Variants in MTMR9 observed in about 807,000 individuals in gnomAD.
The protein encoded by MTMR9 is myotubularin related protein 9.
A neutral mutation model predicts 69.5 loss-of-function variants in MTMR9; 39 were observed. The ratio of observed to expected loss-of-function variants is 0.56; its 90% confidence interval spans 0.43 to 0.73. The LOEUF (loss-of-function observed/expected upper bound fraction) is 0.73. MTMR9 is among the 30% of genes least tolerant of loss of function. MTMR9 has a pLI of 0.00. For missense variants in MTMR9, 900 were observed against 671.2 expected, an observed-to-expected ratio of 1.34 and a Z score of -3.77; for synonymous variants, 354 against 240.8, an observed-to-expected ratio of 1.47 and a Z score of -4.35.
chr8:11,293,599 T>A (rs1799443630), intron 1 of MTMR9, among the ~76,000 whole-genome samples: 1 of 152,166 alleles, frequency 6.6e-6, no homozygotes, highest in Non-Finnish European at 1.5e-5. Flanking sequence ...TAGATTGGGA[T>A]TTTAGTGTCT....
At chr8:11,314,139 A>T (rs555132437) in intron 6 of MTMR9, among the ~76,000 whole-genome samples, 2 of 152,352 alleles carry the variant, frequency 1.3e-5, no homozygotes, top group South Asian at 2.1e-4. Flanking sequence ...GTACATGGGT[A>T]AAAACTGACA....
intron 3 of MTMR9, 140 bp from the exon 4 acceptor site, chr8:11,304,701 G>A: frequency 2.5e-6 from 2 of 791,928 alleles, no homozygotes; most frequent in South Asian, 1.8e-5. Context: ...TTACATATAA[G>A]CTAGAGATCC....
intron 1 of MTMR9, among the ~76,000 whole-genome samples, chr8:11,293,375 G>A (rs1409376719): frequency 1.3e-5 from 2 of 152,174 alleles, no homozygotes; most frequent in African/African-American, 4.8e-5. Flanking sequence ...AGATTAAAAA[G>A]TTTATAAAGT....
intron 1 of MTMR9, among the ~76,000 whole-genome samples, chr8:11,293,903 G>A (rs1799456440): frequency 6.6e-6 from 1 of 152,094 alleles, no homozygotes; most frequent in Admixed American, 6.5e-5. Context: ...CAGTTGATCT[G>A]TTATCATCAT....
chr8:11,298,586 C>G (rs567783409), intron 2 of MTMR9, among the ~76,000 whole-genome samples: 1 of 152,122 alleles, frequency 6.6e-6, no homozygotes, highest in South Asian at 2.1e-4. Flanking sequence ...CATGCCTGAT[C>G]TTCCTCTGAC....
chr8:11,285,807 A>G (rs1799129917), intron 1 of MTMR9, among the ~76,000 whole-genome samples: 1 of 152,214 alleles, frequency 6.6e-6, no homozygotes, highest in Admixed American at 6.5e-5. Flanking sequence ...GCTAGCCAGG[A>G]GAGGGCAAAC....
At chr8:11,303,931 A>G (rs76566683) in intron 3 of MTMR9, among the ~76,000 whole-genome samples, 2,829 of 152,360 alleles carry the variant, frequency 0.019, 81 homozygotes, top group African/African-American at 0.064. Flanking sequence ...GCATTTTTTA[A>G]AAGTAATAAT....
intron 4 of MTMR9, among the ~76,000 whole-genome samples, chr8:11,305,665 G>A (rs1799911493): frequency 6.6e-6 from 1 of 152,222 alleles, no homozygotes; most frequent in African/African-American, 2.4e-5. Context: ...CTTGAATACT[G>A]AAAAGGATGG....
intron 6 of MTMR9, among the ~76,000 whole-genome samples, chr8:11,314,233 G>T (rs548292609): frequency 6.6e-6 from 1 of 152,306 alleles, no homozygotes; most frequent in East Asian, 1.9e-4. Flanking sequence ...AACAGAAAGG[G>T]TAGAAGAAGG....
At chr8:11,289,060 T>A (rs1196605337) in intron 1 of MTMR9, among the ~76,000 whole-genome samples, 1 of 152,082 alleles carries the variant, frequency 6.6e-6, no homozygotes, top group African/African-American at 2.4e-5. Context: ...TGATCCCAGC[T>A]ACTCAGGAGG....
chr8:11,306,432 G>C (rs751100900), intron 5 of MTMR9, 25 bp downstream of exon 5: 2 of 1,601,952 alleles, frequency 1.2e-6, no homozygotes, highest in Non-Finnish European at 1.7e-6. Context: ...AGATAGTACA[G>C]ACTCTTATTA....
Position 11,323,460 on chromosome 8 carries a change from C to T in MTMR9, c.*672C>T, listed in dbSNP as rs1361974296. ...TTAAGAAGAGTTAAATTTATTTTAA[C>T]GTAGACACTAAAAGTATGTGCAATA... On this transcript the variant is annotated 3_prime_UTR_variant, in exon 10 of 10. Transcript: ENST00000221086. 2.6e-5 allele frequency: 4 copies of T among 152,148 alleles called. No homozygotes were observed. The highest frequency in any genetic ancestry group is 6.5e-5 in the Admixed American group (1 of 15,278). The allele number at this position is 152,148 out of a possible 1,614,324, so 9.4% of individuals were successfully genotyped here.
In MTMR9 at chr8:11,326,006, A is replaced by T. The variant is rs1332629344; in HGVS notation, c.*3218A>T. 6.6e-6 allele frequency: 1 copy of T among 152,072 alleles called. No individual in the cohort carries two copies. The highest frequency in any genetic ancestry group is 1.5e-5 in the Non-Finnish European group (1 of 67,990). 9.4% of individuals were successfully genotyped at this position (152,072 alleles called of 1,614,324 possible). A position where few individuals can be genotyped will look rare whatever the true frequency, so the allele number is the denominator to read the frequency against. ...AGGCCTGATTTAGGGGTGGGATTTT[A>T]TTGCTTTTTGTTTTAAAGGATGAAA... On this transcript the variant is annotated 3_prime_UTR_variant, in exon 10 of 10. Transcript: ENST00000221086.
chr8:11,321,592 A>G (rs1353902888), intron 9 of MTMR9: 2 of 432,598 alleles, frequency 4.6e-6, no homozygotes. Flanking sequence ...CATGCTCCTC[A>G]ACCTAGAGCT....
At position 11,295,273 on chromosome 8, in the gene MTMR9, G is replaced by C. The variant is rs532507412; in HGVS notation, c.262G>C (p.Glu88Gln). The change falls in exon 2 of 10, where the codon GAA (glutamate) becomes CAA (glutamine). Residue 88 changes from glutamate (E) to glutamine (Q), a missense_variant. Physicochemically the swap from Glu to Gln is conservative, Grantham distance 29 (BLOSUM62 2). Coordinates refer to ENST00000221086, the MANE Select transcript of MTMR9 (RefSeq NM_015458.4). ...IIQLDIPGME[E>Q]CLNIASSIEA... Reference sequence around the variant, plus strand: ...TCAGTTGGATATTCCTGGAATGGAGGAATGCTTGAATATAGCCAGTTCCAT... The same window carrying C: ...TCAGTTGGATATTCCTGGAATGGAGCAATGCTTGAATATAGCCAGTTCCAT... The C allele has an allele frequency of 6.2e-7, 1 of 1,606,588 alleles. No individual in the cohort carries two copies. The highest frequency in any genetic ancestry group is 1.1e-5 in the South Asian group (1 of 90,768).
At chr8:11,295,636 A>C (rs574925688) in intron 2 of MTMR9, among the ~76,000 whole-genome samples, 11 of 152,336 alleles carry the variant, frequency 7.2e-5, no homozygotes, top group Admixed American at 7.2e-4. Flanking sequence ...TTATTTGGGG[A>C]AACCATTAGA....
chr8:11,297,803 A>G (rs1296690214), intron 2 of MTMR9: 2 of 451,950 alleles, frequency 4.4e-6, no homozygotes, highest in Non-Finnish European at 8.9e-6. Flanking sequence ...GTAAATTATG[A>G]GCTCATTTGA....
chr8:11,287,750 ATATT>A (rs1056064269), intron 1 of MTMR9, among the ~76,000 whole-genome samples: 12 of 130,412 alleles, frequency 9.2e-5, no homozygotes, highest in South Asian at 4.4e-4. Flanking sequence ...ATTTTCTTAT[ATATT>A]TATTATTTAT....
chr8:11,321,512 G>T (rs765040001), intron 9 of MTMR9: 38 of 456,700 alleles, frequency 8.3e-5, no homozygotes, highest in South Asian at 3.7e-4. Flanking sequence ...GGAGCTTAGA[G>T]ATAAGTGATG....
Sources: allele counts gnomAD v4.1 joint callset (sites outside exome capture counted in the v4.1 genomes callset), GRCh38; gene constraint gnomAD v4.1.1; transcripts MANE v1.5; gene names NCBI Gene and HGNC (gene_info 2026-07-23, HGNC 2026-07-21).